CORIN: variants seen among roughly 807,000 people sequenced by gnomAD.
CORIN encodes atrial natriuretic peptide-converting enzyme.
Under a neutral mutation model 125.3 loss-of-function variants are expected in CORIN, and 117 were observed. The ratio of observed to expected loss-of-function variants is 0.93; its 90% CI spans 0.80 to 1.09. CORIN has a LOEUF of 1.09. Ranked by LOEUF, CORIN falls within the 50% of genes least tolerant of loss-of-function variation. The pLI is 0.00. For synonymous variants in CORIN, 450 were observed against 466.4 expected (o/e 0.96, Z 0.45); for missense variants, 1,253 against 1,306.7 (o/e 0.96, Z 0.63).
chr4:47,774,188 T>C (rs1730183156), intron 3 of CORIN, among the ~76,000 whole-genome samples: 1 of 152,190 alleles, frequency 6.6e-6, no homozygotes, highest in Admixed American at 6.5e-5. Flanking sequence ...CTACTGATTA[T>C]GATGGCAGCG....
chr4:47,774,477 A>G (rs1283364280), intron 3 of CORIN, among the ~76,000 whole-genome samples: 1 of 152,130 alleles, frequency 6.6e-6, no homozygotes, highest in African/African-American at 2.4e-5. Flanking sequence ...TAAATAGTAG[A>G]TATATAATTC....
At chr4:47,708,504 A>G (rs1434148447) in intron 5 of CORIN, among the ~76,000 whole-genome samples, 1 of 152,166 alleles carries the variant, frequency 6.6e-6, no homozygotes, top group Non-Finnish European at 1.5e-5. Context: ...TTCAACTTCA[A>G]TTTCCATTGC....
At chr4:47,835,069 C>T (rs1339191432) in intron 1 of CORIN, among the ~76,000 whole-genome samples, 1 of 152,198 alleles carries the variant, frequency 6.6e-6, no homozygotes, top group Non-Finnish European at 1.5e-5. Context: ...CTGCCATTTC[C>T]ACCCTCTCTG....
At chr4:47,737,277 T>TAC (rs1728175673) in intron 5 of CORIN, among the ~76,000 whole-genome samples, 1 of 152,210 alleles carries the variant, frequency 6.6e-6, no homozygotes, top group Non-Finnish European at 1.5e-5. Context: ...ATGTGGCACA[T>TAC]ACGTGTGATC....
chr4:47,807,680 G>A (rs2109954050), intron 1 of CORIN, among the ~76,000 whole-genome samples: 1 of 152,306 alleles, frequency 6.6e-6, no homozygotes, highest in African/African-American at 2.4e-5. Flanking sequence ...AGCCCATCCT[G>A]TGTGAGAGGA....
At chr4:47,689,617 T>G (rs1051374085) in intron 6 of CORIN, among the ~76,000 whole-genome samples, 107 of 152,336 alleles carry the variant, frequency 7.0e-4, no homozygotes, top group African/African-American at 2.4e-3. Flanking sequence ...AACGTTTTCC[T>G]TGAGTTTCTA....
At position 47,680,140 on chromosome 4, in the gene CORIN, C is replaced by G. The variant is rs1725201769; in HGVS notation, c.1132+1G>C. ...AAAACAAACGTCCTCAGAGCACTCA[C>G]AGCAGTTGACCTCGTCAGACTTATC... On this transcript the variant is annotated splice_donor_variant, in intron 8 of 21. Coordinates refer to ENST00000273857, the MANE Select transcript of CORIN (RefSeq NM_006587.4). LOFTEE classifies it high-confidence loss of function. 6.2e-7 allele frequency: 1 copy of G among 1,602,272 alleles called. No homozygotes were observed. Among genetic ancestry groups the G allele is most frequent in the Middle Eastern group, 1.7e-4 (1 of 6,040 alleles).
chr4:47,740,389 T>A (rs886913900), intron 5 of CORIN, among the ~76,000 whole-genome samples: 2 of 151,964 alleles, frequency 1.3e-5, no homozygotes, highest in African/African-American at 4.8e-5. Flanking sequence ...GGTTGAATTG[T>A]CTATTTTTCC....
chr4:47,752,563 C>T (rs1577891237), intron 4 of CORIN, among the ~76,000 whole-genome samples: 1 of 152,138 alleles, frequency 6.6e-6, no homozygotes, highest in African/African-American at 2.4e-5. Context: ...CACTATTCAA[C>T]ATTTAAGTAA....
intron 1 of CORIN, among the ~76,000 whole-genome samples, chr4:47,813,145 CA>C (rs1387103905): frequency 1.3e-5 from 2 of 152,128 alleles, no homozygotes; most frequent in Non-Finnish European, 2.9e-5. Flanking sequence ...AGGACAATAT[CA>C]AAAGGAATAT....
In CORIN at chr4:47,810,830, G is replaced by T. The variant is rs1361975054; in HGVS notation, c.64-3783C>A. Among the ~76,000 whole-genome samples, 6 of 152,142 alleles carry T rather than the reference G, an allele frequency of 3.9e-5. No individual in the cohort carries two copies. In the East Asian group the frequency reaches 1.2e-3, roughly 29 times the overall value. Reference sequence around the variant, plus strand: ...TAGATCTTTCCTCTGATCTCCAGAGGAAGATTGCATTATATGCAACTGACC... The same window carrying T: ...TAGATCTTTCCTCTGATCTCCAGAGTAAGATTGCATTATATGCAACTGACC... On this transcript the variant is annotated intron_variant, in intron 1 of 21. Transcript: ENST00000273857.
chr4:47,650,795 C>T (rs1723701778), intron 13 of CORIN, among the ~76,000 whole-genome samples: 2 of 152,190 alleles, frequency 1.3e-5, no homozygotes, highest in Admixed American at 1.3e-4. Flanking sequence ...TAAGACAATG[C>T]AGTACTTCTG....
intron 5 of CORIN, among the ~76,000 whole-genome samples, chr4:47,725,057 C>A (rs1165664437): frequency 6.6e-6 from 1 of 152,116 alleles, no homozygotes; most frequent in Non-Finnish European, 1.5e-5. Context: ...CAATAGCTCT[C>A]AAAGTATCTA....
At chr4:47,789,816 A>G (rs541225372) in intron 2 of CORIN, among the ~76,000 whole-genome samples, 22 of 152,018 alleles carry the variant, frequency 1.4e-4, no homozygotes, top group Non-Finnish European at 3.1e-4. Flanking sequence ...GTCAGGAAAT[A>G]GAGACCGTCC....
At chr4:47,736,700 AT>A (rs34027409) in intron 5 of CORIN, among the ~76,000 whole-genome samples, 14,746 of 152,094 alleles carry the variant, frequency 0.097, 826 homozygotes, top group East Asian at 0.27. Context: ...TATTCTTATC[AT>A]TTAGCTAAGT....
intron 1 of CORIN, among the ~76,000 whole-genome samples, chr4:47,832,070 G>T (rs1370319379): frequency 6.6e-6 from 1 of 152,122 alleles, no homozygotes; most frequent in African/African-American, 2.4e-5. Context: ...TTTCATTCTT[G>T]TAAAAAATGG....
intron 19 of CORIN, among the ~76,000 whole-genome samples, chr4:47,614,527 G>A (rs904069551): frequency 6.6e-6 from 1 of 152,114 alleles, no homozygotes; most frequent in African/African-American, 2.4e-5. Context: ...TATTCAAGGA[G>A]AATAATCTTC....
At chr4:47,837,512 C>T (rs1733500787) in intron 1 of CORIN, 1 of 351,536 alleles carries the variant, frequency 2.8e-6, no homozygotes, top group Non-Finnish European at 5.3e-6. Flanking sequence ...CAGTGTGCAG[C>T]CAAGTCCACT....
chr4:47,604,029 G>T (rs1372447148), intron 19 of CORIN, among the ~76,000 whole-genome samples: 1 of 152,212 alleles, frequency 6.6e-6, no homozygotes, highest in Non-Finnish European at 1.5e-5. Context: ...CCAAGACTAA[G>T]AGATTCCTCC....
Sources: allele counts gnomAD v4.1 joint callset (sites outside exome capture counted in the v4.1 genomes callset), GRCh38; gene constraint gnomAD v4.1.1; transcripts MANE v1.5; gene names NCBI Gene and HGNC (gene_info 2026-07-23, HGNC 2026-07-21).